Variants in SLC12A6 observed in about 807,000 individuals in gnomAD.
SLC12A6 encodes the protein K-Cl cotransporter 3.
Under a neutral mutation model 135.3 loss-of-function variants are expected in SLC12A6, and 66 were observed. The observed-to-expected ratio is 0.49, with a 90% CI of 0.40 to 0.60. The LOEUF is 0.60. Ranked by LOEUF, SLC12A6 falls within the 20% of genes least tolerant of loss-of-function variation. The pLI, the probability that SLC12A6 is intolerant of heterozygous loss-of-function variation, is 0.00. For synonymous variants in SLC12A6, 513 were observed against 508.8 expected (o/e 1.01, Z -0.11); for missense variants, 1,058 against 1,452.3 (o/e 0.73, Z 4.41).
intron 2 of SLC12A6, among the ~76,000 whole-genome samples, chr15:34,294,251 G>A (rs1895731484): frequency 6.6e-6 from 1 of 152,066 alleles, no homozygotes; most frequent in African/African-American, 2.4e-5. Context: ...CCCCCACCTT[G>A]AGACGGAGTC....
intron 3 of SLC12A6, among the ~76,000 whole-genome samples, chr15:34,262,849 T>C (rs1196539909): frequency 6.6e-6 from 1 of 152,182 alleles, no homozygotes; most frequent in Non-Finnish European, 1.5e-5. Context: ...AGTGCGCAAT[T>C]GCCACGGCTG....
chr15:34,257,817 A>T, intron 5 of SLC12A6, 29 bp from the exon 6 acceptor site: 1 of 1,517,386 alleles, frequency 6.6e-7, no homozygotes, highest in South Asian at 1.1e-5. Flanking sequence ...ATAAAAAATC[A>T]CACAGTTATC....
At chr15:34,308,794 A>C (rs957635883) in intron 2 of SLC12A6, among the ~76,000 whole-genome samples, 1 of 152,156 alleles carries the variant, frequency 6.6e-6, no homozygotes, top group Non-Finnish European at 1.5e-5. Context: ...GTTAACTTTC[A>C]ATTAATTTTG....
chr15:34,275,334 TA>T lies in SLC12A6; in HGVS notation c.316+10del. 1 of 1,401,948 alleles carries T rather than the reference TA, an allele frequency of 7.1e-7. No individual in the cohort carries two copies. 86.8% of individuals were successfully genotyped at this position (1,401,948 alleles called of 1,614,324 possible). On this transcript the variant is annotated intron_variant, in intron 3 of 25. Transcript: ENST00000354181. ...CTTTGGATAAAGTCAATCCCCACAG[TA>T]ATACTATACCTAACAGTTGGCTGTG...
chr15:34,300,673 G>A (rs1362801044), intron 2 of SLC12A6, among the ~76,000 whole-genome samples: 1 of 151,652 alleles, frequency 6.6e-6, no homozygotes, highest in Admixed American at 6.6e-5. Flanking sequence ...TGTGCCTGTA[G>A]TCCCAGCTAC....
intron 2 of SLC12A6, among the ~76,000 whole-genome samples, chr15:34,287,249 T>G (rs935514044): frequency 5.3e-5 from 8 of 152,202 alleles, no homozygotes; most frequent in Non-Finnish European, 8.8e-5. Context: ...TTTCTGATCT[T>G]GTGACAGTTT....
rs760804627 is a variant in SLC12A6 at position 34,238,398 on chromosome 15, G to A, written c.2636C>T (p.Thr879Ile). 1.2e-6 allele frequency: 2 copies of A among 1,611,952 alleles called. No individual in the cohort carries two copies. The highest frequency in any genetic ancestry group is 1.1e-5 in the South Asian group (1 of 91,026). Residue 879 changes from threonine to isoleucine, a missense_variant, in exon 21 of 26, where the codon ACA becomes ATA. Thr to Ile is a moderately conservative substitution (Grantham distance 89). Coordinates refer to ENST00000354181, the MANE Select transcript of SLC12A6 (RefSeq NM_001365088.1). Reference sequence around the variant, plus strand: ...ATGGGCAGCAGTTGTCACTCGAACTGTGCCTAGGGAGAAAAAAGAATAAGC... The same window carrying A: ...ATGGGCAGCAGTTGTCACTCGAACTATGCCTAGGGAGAAAAAAGAATAAGC... ...DARAWKTFIG[T>I]VRVTTAAHLA...
Position 34,241,309 on chromosome 15 carries a change from G to A in SLC12A6, c.2191C>T (p.Arg731Cys). Residue 731 changes from arginine (R) to cysteine (C), a missense_variant, in exon 18 of 26, where the codon CGT becomes TGT. Around this residue, in one of 6 missense-constraint regions of SLC12A6, gnomAD observed 170 missense variants for 297.6 expected, o/e 0.57. Coordinates refer to ENST00000354181, the MANE Select transcript of SLC12A6 (RefSeq NM_001365088.1). ...CGGGCTGCACTGAGGGACAGCCCAC[G>A]GATACCATCACCCCATTCTTTCTCA... ...GAEKEWGDGI[R>C]GLSLSAARFA... The A allele has an allele frequency of 6.2e-7, 1 of 1,604,596 alleles. No homozygotes were observed. The highest frequency in any genetic ancestry group is 8.5e-7 in the Non-Finnish European group (1 of 1,171,382).
At chr15:34,236,273 A>C in intron 23 of SLC12A6, 74 bp from the exon 24 acceptor site, 1 of 1,098,786 alleles carries the variant, frequency 9.1e-7, no homozygotes, top group Non-Finnish European at 1.4e-6. Flanking sequence ...ATTTTGAAGC[A>C]GTAATGGGTT....
intron 2 of SLC12A6, among the ~76,000 whole-genome samples, chr15:34,295,790 G>A (rs996880253): frequency 1.3e-5 from 2 of 152,208 alleles, no homozygotes; most frequent in Middle Eastern, 3.4e-3. Context: ...CCTGAAGTTG[G>A]GAGTTCAAGA....
At chr15:34,262,702 G>A (rs77641184) in intron 3 of SLC12A6, among the ~76,000 whole-genome samples, 1,674 of 152,242 alleles carry the variant, frequency 0.011, 38 homozygotes, top group African/African-American at 0.038. Flanking sequence ...GCGGACACCC[G>A]TCTGGGCGCC....
intron 1 of SLC12A6, chr15:34,337,095 G>C (rs1032981745): frequency 2.9e-5 from 9 of 314,958 alleles, no homozygotes; most frequent in Non-Finnish European, 4.9e-5. Flanking sequence ...TTTATCTGGT[G>C]AGTGTCCCAC....
chr15:34,263,659 GA>G (rs952652853), intron 3 of SLC12A6, among the ~76,000 whole-genome samples: 4 of 146,926 alleles, frequency 2.7e-5, no homozygotes, highest in Non-Finnish European at 3.0e-5. Context: ...GGAGAGAAGA[GA>G]AAAAAAAACA....
Position 34,318,360 on chromosome 15 carries a change from T to C in SLC12A6, c.271+18050A>G, listed in dbSNP as rs80111581. On this transcript the variant is annotated intron_variant, in intron 2 of 25. Coordinates refer to ENST00000354181, the MANE Select transcript of SLC12A6 (RefSeq NM_001365088.1). ...CTGTTGGTAATGAACACAGAACTCA[T>C]TGTGGGGAAAAACAATCCAGTGTGT... is the stretch of plus-strand genomic sequence containing the variant. Among the ~76,000 whole-genome samples, 1,560 of 152,244 alleles carry C rather than the reference T, an allele frequency of 0.01. 34 individuals are homozygous for C. The highest frequency in any genetic ancestry group is 0.036 in the African/African-American group (1,483 of 41,540).
At chr15:34,292,602 G>GA (rs1895616569) in intron 2 of SLC12A6, among the ~76,000 whole-genome samples, 1 of 152,212 alleles carries the variant, frequency 6.6e-6, no homozygotes, top group African/African-American at 2.4e-5. Flanking sequence ...CCCAGAGGTG[G>GA]AATCTAGAGA....
chr15:34,328,457 T>C (rs984215066), intron 2 of SLC12A6, among the ~76,000 whole-genome samples: 4 of 152,210 alleles, frequency 2.6e-5, no homozygotes, highest in East Asian at 1.9e-4. Flanking sequence ...TGAGCAAATA[T>C]GGTGATAGTG....
At chr15:34,265,750 G>C (rs754565392) in intron 3 of SLC12A6, among the ~76,000 whole-genome samples, 1 of 152,130 alleles carries the variant, frequency 6.6e-6, no homozygotes, top group Non-Finnish European at 1.5e-5. Context: ...TCCTGGCATA[G>C]GATAGTAAGG....
rs1003111288 is a variant in SLC12A6 at position 34,240,929 on chromosome 15, A to C, written c.2268-100T>G. On this transcript the variant is annotated intron_variant, in intron 18 of 25. Coordinates refer to ENST00000354181, the MANE Select transcript of SLC12A6 (RefSeq NM_001365088.1). ...CCCTTTAATTCAGGAGATCTGTATG[A>C]AACAGGTAATTTGACAGAAGGAAGA... 33 of 930,644 alleles carry C rather than the reference A, an allele frequency of 3.5e-5. No homozygotes were observed. The African/African-American group carries it at 5.2e-4, about 15-fold the overall frequency. The allele number at this position is 930,644 out of a possible 1,614,324, so 57.6% of individuals were successfully genotyped here. A position where few individuals can be genotyped will look rare whatever the true frequency, so the allele number is the denominator to read the frequency against.
At chr15:34,275,462 A>T in intron 2 of SLC12A6, 73 bp from the exon 3 acceptor site, 1 of 850,008 alleles carries the variant, frequency 1.2e-6, no homozygotes, top group Non-Finnish European at 2.0e-6. Context: ...AAAATCAGCA[A>T]CAAAAGTCAA....
Sources: allele counts gnomAD v4.1 joint callset (sites outside exome capture counted in the v4.1 genomes callset), GRCh38; gene constraint gnomAD v4.1.1; regional missense constraint gnomAD v4.1.1; transcripts MANE v1.5; gene names NCBI Gene and HGNC (gene_info 2026-07-23, HGNC 2026-07-21).